Variants in PCSK5 observed in about 807,000 individuals in gnomAD.
PCSK5 encodes the protein proprotein convertase subtilisin/kexin type 5.
Under a neutral mutation model 233.2 loss-of-function variants are expected in PCSK5, and 129 were observed. The observed-to-expected ratio is 0.55, with a 90% CI of 0.48 to 0.64. PCSK5 has a LOEUF of 0.64. Among genes scored for constraint, PCSK5 ranks in the 30% least tolerant of loss-of-function variants. The probability of loss-of-function intolerance (pLI) is 0.00; values close to 1 mark genes in which losing one functional copy is unlikely to be tolerated. For synonymous variants in PCSK5, 825 were observed against 879.2 expected (o/e 0.94, Z 1.09); for missense variants, 2,076 against 2,430.1 (o/e 0.85, Z 3.06).
chr9:75,975,498 CTCTTTTTTATACTAA>C (rs1306919221), intron 2 of PCSK5, among the ~76,000 whole-genome samples: 3 of 152,092 alleles, frequency 2.0e-5, no homozygotes, highest in African/African-American at 7.2e-5. Context: ...CAGCATTTGC[CTCTTTTTTATACTAA>C]TCTCAGCTGA....
chr9:75,990,759 C>T (rs1826733239), intron 3 of PCSK5, among the ~76,000 whole-genome samples: 1 of 152,180 alleles, frequency 6.6e-6, no homozygotes, highest in South Asian at 2.1e-4. Context: ...GCTCCCTGGA[C>T]ATTGGCCTGT....
intron 35 of PCSK5, among the ~76,000 whole-genome samples, chr9:76,342,514 G>A (rs1829864469): frequency 6.6e-6 from 1 of 152,172 alleles, no homozygotes; most frequent in African/African-American, 2.4e-5. Context: ...CAGCACGTTT[G>A]CTGTCTAGCC....
At chr9:75,915,977 A>C (rs1268137009) in intron 1 of PCSK5, among the ~76,000 whole-genome samples, 1 of 152,200 alleles carries the variant, frequency 6.6e-6, no homozygotes, top group Admixed American at 6.5e-5. Flanking sequence ...TGGTAGGCAT[A>C]ATGGTTATTT....
intron 9 of PCSK5, among the ~76,000 whole-genome samples, chr9:76,113,025 G>C (rs1318273183): frequency 6.6e-6 from 1 of 152,124 alleles, no homozygotes; most frequent in Non-Finnish European, 1.5e-5. Context: ...ATGGAACTGA[G>C]TCCTAGAGAA....
chr9:76,075,106 A>G (rs1438143078), intron 7 of PCSK5, among the ~76,000 whole-genome samples: 1 of 152,044 alleles, frequency 6.6e-6, no homozygotes, highest in African/African-American at 2.4e-5. Flanking sequence ...TGTAATCCCA[A>G]CTACTCAAGA....
At chr9:76,294,378 G>A (rs897417541) in intron 25 of PCSK5, among the ~76,000 whole-genome samples, 6 of 152,026 alleles carry the variant, frequency 3.9e-5, no homozygotes, top group Non-Finnish European at 7.4e-5. Flanking sequence ...AACAGATAAC[G>A]TACATAAAAA....
intron 2 of PCSK5, among the ~76,000 whole-genome samples, chr9:75,939,950 G>A (rs1203917197): frequency 1.3e-5 from 2 of 152,144 alleles, no homozygotes; most frequent in Non-Finnish European, 2.9e-5. Context: ...GCCTCATCAC[G>A]TGGATGTGTG....
chr9:76,085,774 C>T (rs1028507425), intron 7 of PCSK5, among the ~76,000 whole-genome samples: 3 of 152,150 alleles, frequency 2.0e-5, no homozygotes, highest in African/African-American at 7.2e-5. Flanking sequence ...ATGCTGGGCT[C>T]TAGATGAGGG....
chr9:76,173,495 CCTTTTTTTTTTTTTTTT>C (rs1450155922), intron 13 of PCSK5, among the ~76,000 whole-genome samples: 2 of 34,582 alleles, frequency 5.8e-5, no homozygotes, highest in Non-Finnish European at 1.2e-4. Context: ...AGGCACGTTT[CCTTTTTTTTTTTTTTTT>C]TTTTTTTTTT....
At chr9:76,000,711 T>C (rs549077266) in intron 3 of PCSK5, among the ~76,000 whole-genome samples, 4 of 152,320 alleles carry the variant, frequency 2.6e-5, no homozygotes, top group African/African-American at 9.6e-5. Flanking sequence ...ACATAGTTGA[T>C]GTGTTTTATT....
chr9:76,067,940 G>A lies in PCSK5; in HGVS notation c.633-15G>A. 6.2e-7 allele frequency: 1 copy of A among 1,606,582 alleles called. No individual in the cohort carries two copies. The highest frequency in any genetic ancestry group is 1.3e-5 in the African/African-American group (1 of 74,898). Reference sequence around the variant, plus strand: ...GTGTGTCTTACTTGAGAAAGTGTGTGTGTTCTGCCTGCAGGCATGGGACTC... The same window carrying A: ...GTGTGTCTTACTTGAGAAAGTGTGTATGTTCTGCCTGCAGGCATGGGACTC... On this transcript the variant is annotated splice_polypyrimidine_tract_variant and intron_variant, in intron 5 of 37. Transcript: ENST00000674117.
intron 20 of PCSK5, among the ~76,000 whole-genome samples, chr9:76,213,564 G>C (rs1036155253): frequency 6.6e-6 from 1 of 151,938 alleles, no homozygotes; most frequent in South Asian, 2.1e-4. Flanking sequence ...GCCATCTCCT[G>C]GTTGATTTTC....
intron 31 of PCSK5, among the ~76,000 whole-genome samples, chr9:76,322,561 C>CA (rs1293424663): frequency 4.6e-5 from 7 of 151,720 alleles, no homozygotes; most frequent in East Asian, 1.9e-4. Flanking sequence ...AAAATGAACA[C>CA]AAAAAAAATA....
At chr9:76,284,204 G>A (rs1170850122) in intron 24 of PCSK5, among the ~76,000 whole-genome samples, 4 of 151,856 alleles carry the variant, frequency 2.6e-5, no homozygotes, top group South Asian at 2.1e-4. Context: ...TCTCTTTAAT[G>A]TATGTGAAAT....
At chr9:76,351,386 A>C (rs963589307) in intron 36 of PCSK5, among the ~76,000 whole-genome samples, 3 of 150,492 alleles carry the variant, frequency 2.0e-5, no homozygotes, top group African/African-American at 7.3e-5. Flanking sequence ...TTGCAGTGTT[A>C]CAGCTCTTTA....
intron 3 of PCSK5, among the ~76,000 whole-genome samples, chr9:76,015,995 G>A (rs1036839379): frequency 6.6e-5 from 10 of 152,154 alleles, no homozygotes; most frequent in African/African-American, 2.4e-4. Flanking sequence ...TTACCAAGAT[G>A]GAACATATCT....
chr9:76,008,162 CT>C (rs375797071), intron 3 of PCSK5, among the ~76,000 whole-genome samples: 59 of 152,218 alleles, frequency 3.9e-4, no homozygotes, highest in Middle Eastern at 6.8e-3. Context: ...TTTTACTTTT[CT>C]GCTGTCTCTA....
chr9:76,037,882 C>T lies in PCSK5; in HGVS notation c.632+10845C>T, dbSNP rs946866616. ...CCCGCCAATTCTCCTGCATCCCCTC[C>T]TTCTCCACTCTCAGGCGAAGCTGCC... On this transcript the variant is annotated intron_variant, in intron 5 of 37. Coordinates refer to ENST00000674117, the MANE Select transcript of PCSK5 (RefSeq NM_001372043.1). Among the ~76,000 whole-genome samples the T allele has an allele frequency of 2.6e-5, 4 of 152,310 alleles. No homozygotes were observed. In the South Asian group the frequency reaches 8.3e-4, roughly 32 times the overall value.
At chr9:76,010,847 T>C (rs1483821548) in intron 3 of PCSK5, among the ~76,000 whole-genome samples, 1 of 152,208 alleles carries the variant, frequency 6.6e-6, no homozygotes, top group Non-Finnish European at 1.5e-5. Flanking sequence ...TTGAATTTAA[T>C]TGTGTTAACG....
Sources: allele counts gnomAD v4.1 joint callset (sites outside exome capture counted in the v4.1 genomes callset), GRCh38; gene constraint gnomAD v4.1.1; transcripts MANE v1.5; gene names NCBI Gene and HGNC (gene_info 2026-07-23, HGNC 2026-07-21).